Variants in KIAA1958 observed in about 807,000 individuals in gnomAD.
KIAA1958 encodes uncharacterized protein KIAA1958.
Under a neutral mutation model 47.2 loss-of-function variants are expected in KIAA1958, and 14 were observed. The observed-to-expected ratio is 0.30, with a 90% CI of 0.20 to 0.46. The LOEUF (loss-of-function observed/expected upper bound fraction) is 0.46, where lower values mean the gene tolerates loss of function less well. KIAA1958 is among the 20% of genes least tolerant of loss of function. The probability of loss-of-function intolerance (pLI) is 1.00; values close to 1 mark genes in which losing one functional copy is unlikely to be tolerated. For missense variants in KIAA1958, 803 were observed against 909.2 expected (o/e 0.88, Z 1.50); for synonymous variants, 354 against 353.3 (o/e 1.00, Z -0.02).
At chr9:112,636,641 C>T (rs1331959631) in intron 2 of KIAA1958, among the ~76,000 whole-genome samples, 1 of 151,972 alleles carries the variant, frequency 6.6e-6, no homozygotes, top group Admixed American at 6.6e-5. Flanking sequence ...TCTAGTAATA[C>T]TTCTTGTCTT....
At position 112,574,241 on chromosome 9, in the gene KIAA1958, A is replaced by T; in HGVS notation, c.161A>T (p.His54Leu). 1 of 1,614,162 alleles carries T rather than the reference A, an allele frequency of 6.2e-7. No individual in the cohort carries two copies. The highest frequency in any genetic ancestry group is 8.5e-7 in the Non-Finnish European group (1 of 1,179,998). ...LTAMWGCSAG[H>L]AYHWPLTATC... ...GCAATGTGGGGCTGTAGTGCTGGCCATGCTTATCACTGGCCACTAACAGCT... is the reference window on the plus strand; with the variant it reads ...GCAATGTGGGGCTGTAGTGCTGGCCTTGCTTATCACTGGCCACTAACAGCT... Residue 54 changes from histidine to leucine, a missense_variant, in exon 2 of 4, where the codon CAT (histidine) becomes CTT (leucine). Coordinates refer to ENST00000337530, the MANE Select transcript of KIAA1958 (RefSeq NM_133465.4).
intron 2 of KIAA1958, among the ~76,000 whole-genome samples, chr9:112,597,138 A>G (rs1006981966): frequency 1.3e-5 from 2 of 152,204 alleles, no homozygotes; most frequent in African/African-American, 4.8e-5. Context: ...TCTGACTGTC[A>G]TACTGATGAA....
intron 1 of KIAA1958, among the ~76,000 whole-genome samples, chr9:112,502,244 A>G (rs1349225620): frequency 1.3e-5 from 2 of 152,276 alleles, no homozygotes; most frequent in Non-Finnish European, 2.9e-5. Flanking sequence ...TACAAATTGA[A>G]TACATGTGAC....
intron 1 of KIAA1958, among the ~76,000 whole-genome samples, chr9:112,500,339 G>T (rs940312043): frequency 6.6e-6 from 1 of 152,128 alleles, no homozygotes. Context: ...GACTTCAAGT[G>T]ATCTGCCCGC....
intron 1 of KIAA1958, among the ~76,000 whole-genome samples, chr9:112,560,633 T>A (rs1835311443): frequency 6.6e-6 from 1 of 152,248 alleles, no homozygotes; most frequent in African/African-American, 2.4e-5. Context: ...CACATAACTG[T>A]ATTTCAAGTT....
chr9:112,569,974 T>C (rs1835505227), intron 1 of KIAA1958, among the ~76,000 whole-genome samples: 2 of 152,194 alleles, frequency 1.3e-5, no homozygotes, highest in African/African-American at 4.8e-5. Flanking sequence ...TAATACATAA[T>C]TGAGTGGATA....
chr9:112,650,507 T>C (rs920793400), intron 3 of KIAA1958, among the ~76,000 whole-genome samples: 3 of 151,854 alleles, frequency 2.0e-5, no homozygotes, highest in African/African-American at 7.2e-5. Context: ...TAGACTGTGA[T>C]AAGTTAAAGA....
chr9:112,618,836 G>A lies in KIAA1958; in HGVS notation c.1172-26814G>A. 6.4e-7 allele frequency: 1 copy of A among 1,550,496 alleles called. No homozygotes were observed. The highest frequency in any genetic ancestry group is 1.4e-5 in the African/African-American group (1 of 73,152). On this transcript the variant is annotated intron_variant, in intron 2 of 3. Transcript: ENST00000337530. The surrounding 1 kb of genome is among the most constrained non-coding windows in gnomAD (Gnocchi z 7.1). ...CTGTAACAATCTGAGCCAGCAGGCT[G>A]CCCAGTCAGTGGCCGGCCACTCCAA...
chr9:112,620,109 T>A (rs968489980), intron 2 of KIAA1958, among the ~76,000 whole-genome samples: 12 of 152,220 alleles, frequency 7.9e-5, no homozygotes, highest in African/African-American at 2.9e-4. Flanking sequence ...CTGCAATTAT[T>A]ATAATAATTT....
At chr9:112,499,511 A>G (rs900205665) in intron 1 of KIAA1958, among the ~76,000 whole-genome samples, 2 of 152,164 alleles carry the variant, frequency 1.3e-5, no homozygotes. Context: ...GTATGAATAT[A>G]TTCATTGAAA....
intron 2 of KIAA1958, among the ~76,000 whole-genome samples, chr9:112,584,171 TCCCAG>T (rs1588028348): frequency 6.6e-6 from 1 of 152,194 alleles, no homozygotes; most frequent in Admixed American, 6.5e-5. Flanking sequence ...TGGATTCATA[TCCCAG>T]CCCTGCCCCC....
rs1424267900 is a variant in KIAA1958, at chr9:112,570,121, A to G, written c.-24-3936A>G. 2.6e-5 allele frequency among the ~76,000 whole-genome samples: 4 copies of G among 152,252 alleles called. No individual in the cohort carries two copies. In the East Asian group the frequency reaches 7.7e-4, roughly 29 times the overall value. On this transcript the variant is annotated intron_variant, in intron 1 of 3. Transcript: ENST00000337530. ...TTCTGTGTTAGATTTAGTGGTAAAT[A>G]TAAGAAATCTGTCTTTGACAGTCAA...
chr9:112,620,440 T>G (rs1655077971), intron 2 of KIAA1958, among the ~76,000 whole-genome samples: 1 of 152,216 alleles, frequency 6.6e-6, no homozygotes. Context: ...TGAATTGCTT[T>G]GCTAAATCAT....
intron 1 of KIAA1958, among the ~76,000 whole-genome samples, chr9:112,489,774 G>A (rs914269701): frequency 2.6e-5 from 4 of 152,088 alleles, no homozygotes; most frequent in East Asian, 1.9e-4. Flanking sequence ...ACATTAAGCC[G>A]TCCACAGTTA....
chr9:112,614,269 GGAA>G (rs1169120891), intron 2 of KIAA1958, among the ~76,000 whole-genome samples: 6 of 152,086 alleles, frequency 3.9e-5, no homozygotes, highest in Admixed American at 1.3e-4. Context: ...GCAAGTGACT[GGAA>G]GAAGAGGACA....
chr9:112,533,199 C>G (rs1224782939), intron 1 of KIAA1958, among the ~76,000 whole-genome samples: 1 of 151,976 alleles, frequency 6.6e-6, no homozygotes, highest in East Asian at 1.9e-4. Context: ...TATAAAGTCT[C>G]TAATTTTTTA....
intron 1 of KIAA1958, among the ~76,000 whole-genome samples, chr9:112,497,930 AT>A (rs1834071710): frequency 6.6e-6 from 1 of 152,082 alleles, no homozygotes. Flanking sequence ...TGTTGTTGTT[AT>A]GTTAGAAGAC....
chr9:112,618,921 G>A lies in KIAA1958; in HGVS notation c.1172-26729G>A. 6.6e-7 allele frequency: 1 copy of A among 1,519,488 alleles called. No homozygotes were observed. Among genetic ancestry groups the A allele is most frequent in the East Asian group, 2.5e-5 (1 of 40,356 alleles). 94.1% of individuals were successfully genotyped at this position (1,519,488 alleles called of 1,614,324 possible). On this transcript the variant is annotated intron_variant, in intron 2 of 3. Coordinates refer to ENST00000337530, the MANE Select transcript of KIAA1958 (RefSeq NM_133465.4). This position sits in a 1 kb window ranked among gnomAD's most constrained non-coding sequence, Gnocchi z 7.1. The stretch of plus-strand genomic sequence containing the variant: ...TCTTCCTCAGACACCGCTTGACCAG[G>A]TGGCTTGAGCAAGACTCCAGTTTGG...
chr9:112,581,596 T>G (rs1200359180), intron 2 of KIAA1958, among the ~76,000 whole-genome samples: 1 of 152,082 alleles, frequency 6.6e-6, no homozygotes, highest in African/African-American at 2.4e-5. Context: ...AATAGGAAAG[T>G]CTAGAGCCTT....
Sources: gnomAD v4.1 joint callset for allele counts (sites outside exome capture counted in the v4.1 genomes callset) on GRCh38, gnomAD v4.1.1 for gene constraint, Gnocchi (gnomAD v3.1) non-coding constraint, MANE v1.5 for transcripts, NCBI Gene and HGNC (gene_info 2026-07-23, HGNC 2026-07-21) for gene names.